The following HDAC9 variants were observed in gnomAD, a reference collection of about 807,000 sequenced individuals.
The protein encoded by HDAC9 is histone deacetylase 9, also known as MEF-2 interacting transcription repressor (MITR) protein.
In HDAC9, 41 loss-of-function variants were observed where a neutral mutation model predicts 139.4. The observed-to-expected ratio is 0.29, with a 90% confidence interval of 0.23 to 0.38. The LOEUF (loss-of-function observed/expected upper bound fraction) is 0.38, where lower values mean the gene tolerates loss of function less well. Among genes scored for constraint, HDAC9 ranks in the 10% least tolerant of loss-of-function variants. The pLI, the probability that HDAC9 is intolerant of heterozygous loss-of-function variation, is 1.00. For missense variants in HDAC9, 1,147 were observed against 1,297.0 expected (o/e 0.88, Z 1.78); for synonymous variants, 517 against 476.2 (o/e 1.09, Z -1.12).
chr7:18,188,726 G>A (rs1232250769), intron 2 of HDAC9, among the ~76,000 whole-genome samples: 1 of 152,156 alleles, frequency 6.6e-6, no homozygotes, highest in African/African-American at 2.4e-5. Context: ...TACATAGCCA[G>A]CGAACATGTG....
chr7:18,444,474 G>A (rs1230349591), intron 1 of HDAC9, among the ~76,000 whole-genome samples: 4 of 151,856 alleles, frequency 2.6e-5, no homozygotes, highest in Non-Finnish European at 1.5e-5. Context: ...AAGGGGAAAG[G>A]TAGATTAGTA....
intron 24 of HDAC9, among the ~76,000 whole-genome samples, chr7:18,961,209 G>C (rs1004431888): frequency 1.3e-5 from 2 of 152,176 alleles, no homozygotes; most frequent in African/African-American, 4.8e-5. Flanking sequence ...ATAGCCATTT[G>C]AGGTTTTATT....
At chr7:18,942,987 T>G (rs1174166541) in intron 23 of HDAC9, among the ~76,000 whole-genome samples, 1 of 151,784 alleles carries the variant, frequency 6.6e-6, no homozygotes, top group Non-Finnish European at 1.5e-5. Context: ...AATTAGCAGA[T>G]TAAAGGAAGA....
upstream of HDAC9, among the ~76,000 whole-genome samples, chr7:18,492,007 C>A (rs1163898262): frequency 6.6e-6 from 1 of 151,956 alleles, no homozygotes; most frequent in Non-Finnish European, 1.5e-5. Flanking sequence ...TCCCGTAAGT[C>A]TCTCCTTAAC....
At chr7:18,188,974 C>T (rs967873535) in intron 2 of HDAC9, among the ~76,000 whole-genome samples, 1 of 152,058 alleles carries the variant, frequency 6.6e-6, no homozygotes, top group African/African-American at 2.4e-5. Context: ...ACCATTTGAC[C>T]CAGCAATCCC....
Position 18,446,484 on chromosome 7 carries a change from G to T in HDAC9, c.-41-49778G>T, listed in dbSNP as rs564394799. On this transcript the variant is annotated intron_variant, in intron 1 of 3. Coordinates refer to the HDAC9 transcript ENST00000413509. ...GAATCTTTTCCTTTTTGCTAATGCT[G>T]CTTCTCATATAACGTATATTCAAAT... is the stretch of plus-strand genomic sequence containing the variant. 2.0e-5 allele frequency among the ~76,000 whole-genome samples: 3 copies of T among 152,238 alleles called. No individual in the cohort carries two copies. In the East Asian group the frequency reaches 5.8e-4, roughly 29 times the overall value.
intron 1 of HDAC9, among the ~76,000 whole-genome samples, chr7:18,469,063 C>G (rs1246700929): frequency 6.6e-6 from 1 of 152,212 alleles, no homozygotes; most frequent in Non-Finnish European, 1.5e-5. Flanking sequence ...TTCAGACCCA[C>G]ATCTAATTGT....
intron 2 of HDAC9, among the ~76,000 whole-genome samples, chr7:18,576,536 C>G (rs969421422): frequency 2.0e-5 from 3 of 151,922 alleles, no homozygotes; most frequent in Non-Finnish European, 2.9e-5. Context: ...CTGGTGCACA[C>G]CTGTAGTCCC....
chr7:18,157,908 C>G (rs1787342208), intron 1 of HDAC9, among the ~76,000 whole-genome samples: 1 of 151,376 alleles, frequency 6.6e-6, no homozygotes, highest in South Asian at 2.1e-4. Flanking sequence ...AAGCATTTCC[C>G]ACCAATAAAT....
At chr7:18,824,051 GAA>G (rs57790308) in intron 17 of HDAC9, among the ~76,000 whole-genome samples, 147 of 143,848 alleles carry the variant, frequency 1.0e-3, no homozygotes, top group Non-Finnish European at 1.4e-3. Context: ...AGAGGAAGAA[GAA>G]GAAGAAGAAG....
chr7:18,601,587 C>T (rs759108440), intron 6 of HDAC9, among the ~76,000 whole-genome samples: 2 of 152,136 alleles, frequency 1.3e-5, no homozygotes, highest in Admixed American at 6.6e-5. Context: ...TTTTGTTTCT[C>T]ACCATCAAGT....
rs369518743 is a variant in HDAC9 at position 18,803,649 on chromosome 7, C to T, written c.2322+10197C>T. On this transcript the variant is annotated intron_variant, in intron 17 of 25. Transcript: ENST00000686413. The stretch of plus-strand genomic sequence containing the variant: ...TGATGAGGAAAAATCAGCTGATAGT[C>T]TGATGATCATTTCTTGTAGATTTTC... Among the ~76,000 whole-genome samples the T allele has an allele frequency of 1.2e-4, 19 of 152,194 alleles. No homozygotes were observed. The East Asian group carries it at 3.3e-3, about 26-fold the overall frequency.
At chr7:18,992,522 G>A (rs1786066448) in intron 25 of HDAC9, among the ~76,000 whole-genome samples, 1 of 152,166 alleles carries the variant, frequency 6.6e-6, no homozygotes, top group Non-Finnish European at 1.5e-5. Flanking sequence ...CTTTCAGGAG[G>A]AAGAGGAGTA....
At chr7:18,290,104 A>G (rs1257854537), upstream of HDAC9, 2 of 171,360 alleles carry the variant, frequency 1.2e-5, no homozygotes, top group African/African-American at 2.4e-5. Context: ...GTATACTTAG[A>G]GTATGGAGCT....
At chr7:18,255,626 C>CT (rs11386457) in intron 2 of HDAC9, among the ~76,000 whole-genome samples, 46,109 of 113,434 alleles carry the variant, frequency 0.41, 11,155 homozygotes, top group Admixed American at 0.5. Context: ...TTTTTCTTTC[C>CT]TTTTTTTTTT....
chr7:18,091,508 T>A (rs1471832321), intron 1 of HDAC9, among the ~76,000 whole-genome samples: 1 of 152,210 alleles, frequency 6.6e-6, no homozygotes, highest in Admixed American at 6.5e-5. Context: ...CTCAAGGTAT[T>A]CAGTAGCAAG....
At chr7:18,667,058 T>C in intron 12 of HDAC9, 1 of 985,484 alleles carries the variant, frequency 1.0e-6, no homozygotes. Flanking sequence ...CCAGTAGTCC[T>C]AGGTTATTGT....
At chr7:18,316,232 C>G (rs1199846085) in intron 1 of HDAC9, among the ~76,000 whole-genome samples, 2 of 152,126 alleles carry the variant, frequency 1.3e-5, no homozygotes, top group Non-Finnish European at 2.9e-5. Flanking sequence ...AAGGGCCACA[C>G]TTTGAGTCAC....
chr7:18,324,503 TTCTC>T (rs1048271641), intron 1 of HDAC9, among the ~76,000 whole-genome samples: 11 of 152,280 alleles, frequency 7.2e-5, no homozygotes, highest in African/African-American at 2.6e-4. Flanking sequence ...AATTAGGCAT[TTCTC>T]TCAAAGAAAA....
Sources: gnomAD v4.1 joint callset for allele counts (sites outside exome capture counted in the v4.1 genomes callset) on GRCh38, gnomAD v4.1.1 for gene constraint, MANE v1.5 for transcripts, NCBI Gene and HGNC (gene_info 2026-07-23, HGNC 2026-07-21) for gene names.